DPP6: variants seen among roughly 807,000 people sequenced by gnomAD.
The protein encoded by DPP6 is dipeptidyl peptidase like 6, also known as A-type potassium channel modulatory protein DPP6.
In DPP6, 69 loss-of-function variants were observed where a neutral mutation model predicts 122.6. The ratio of observed to expected loss-of-function variants is 0.56; its 90% CI spans 0.46 to 0.69. The LOEUF is 0.69. Among genes scored for constraint, DPP6 ranks in the 30% least tolerant of loss-of-function variants. The pLI is 0.00. For missense variants in DPP6, 928 were observed against 1,116.9 expected (o/e 0.83, Z 2.41); for synonymous variants, 418 against 433.1 (o/e 0.97, Z 0.43).
At position 154,061,609 on chromosome 7, in the gene DPP6, C is replaced by T. The variant is rs1255420919; in HGVS notation, c.243+8546C>T. 5.6e-5 allele frequency among the ~76,000 whole-genome samples: 8 copies of T among 143,756 alleles called. 1 individual carries two copies. Among genetic ancestry groups the T allele is most frequent in the African/African-American group, 1.0e-4 (4 of 38,120 alleles). 94.3% of individuals were successfully genotyped at this position (143,756 alleles called of 152,430 possible). On this transcript the variant is annotated intron_variant, in intron 1 of 25. Transcript: ENST00000377770. ...CTCTTCCCCCCTGGCTCTTGGGACT[C>T]CCATCACAGGGGGGGGAGGCACCCG... is the stretch of plus-strand genomic sequence containing the variant.
At position 153,994,917 on chromosome 7, in the gene DPP6, C is replaced by T. The variant is rs191948899; in HGVS notation, c.51+107183C>T. ...TGCCCTAAGCAGACATTTGGACTCC[C>T]TTAGGTGAAATATGCTCCAGCATTA... On this transcript the variant is annotated intron_variant, in intron 1 of 25. Coordinates refer to the DPP6 transcript ENST00000404039. 2.4e-3 allele frequency among the ~76,000 whole-genome samples: 364 copies of T among 152,252 alleles called. 3 individuals are homozygous for T. The highest frequency in any genetic ancestry group is 8.4e-3 in the African/African-American group (350 of 41,550).
intron 8 of DPP6, among the ~76,000 whole-genome samples, chr7:154,751,335 C>T (rs1264201263): frequency 2.6e-5 from 4 of 151,984 alleles, no homozygotes; most frequent in African/African-American, 9.7e-5. Flanking sequence ...CACGATGGCT[C>T]ATGCCTGTAA....
intron 17 of DPP6, among the ~76,000 whole-genome samples, chr7:154,867,554 A>C (rs1048739672): frequency 6.6e-6 from 1 of 152,218 alleles, no homozygotes; most frequent in African/African-American, 2.4e-5. Context: ...ATTTCTGGGA[A>C]CATTTAATAA....
chr7:154,372,038 A>G (rs1185906949), intron 1 of DPP6, among the ~76,000 whole-genome samples: 1 of 152,066 alleles, frequency 6.6e-6, no homozygotes, highest in Non-Finnish European at 1.5e-5. Context: ...CAGACCCCAG[A>G]GAGAACAGGT....
At position 154,063,157 on chromosome 7, in the gene DPP6, T is replaced by G. The variant is rs533617746; in HGVS notation, c.243+10094T>G. Among the ~76,000 whole-genome samples, 5 of 114,862 alleles carry G rather than the reference T, an allele frequency of 4.4e-5. 1 individual carries two copies. In the East Asian group the frequency reaches 1.1e-3, roughly 25 times the overall value. 75.4% of individuals were successfully genotyped at this position (114,862 alleles called of 152,430 possible). A position where few individuals can be genotyped will look rare whatever the true frequency, so the allele number is the denominator to read the frequency against. ...CCACGAGAGTGGGGACTGAGAGCTA[T>G]CCCCTTTTCCGCCCCTGGCTGTTAG... On this transcript the variant is annotated intron_variant, in intron 1 of 25. Coordinates refer to ENST00000377770, the MANE Select transcript of DPP6 (RefSeq NM_130797.4).
chr7:154,046,902 G>C lies in DPP6; in HGVS notation c.51+159168G>C, dbSNP rs1286887558. On this transcript the variant is annotated intron_variant, in intron 1 of 25. Transcript: ENST00000404039. Reference sequence around the variant, plus strand: ...TTATTTGTAACTGCAGTAATTTTTAGTGAAGTCAAGTTTTCCACTCTCTGT... The same window carrying C: ...TTATTTGTAACTGCAGTAATTTTTACTGAAGTCAAGTTTTCCACTCTCTGT... 2.0e-5 allele frequency among the ~76,000 whole-genome samples: 3 copies of C among 152,074 alleles called. No homozygotes were observed. The South Asian group carries it at 6.2e-4, about 32-fold the overall frequency.
intron 1 of DPP6, among the ~76,000 whole-genome samples, chr7:154,167,466 A>G (rs1180829654): frequency 2.0e-5 from 3 of 152,254 alleles, no homozygotes; most frequent in Non-Finnish European, 1.5e-5. Flanking sequence ...TTATTTGCTG[A>G]GGTAATGCAG....
intron 1 of DPP6, among the ~76,000 whole-genome samples, chr7:153,995,739 G>A (rs1434384712): frequency 6.6e-6 from 1 of 152,096 alleles, no homozygotes; most frequent in African/African-American, 2.4e-5. Context: ...CAGTAATTAA[G>A]TGTAATTGAG....
At chr7:154,313,079 G>T (rs1807048092) in intron 1 of DPP6, among the ~76,000 whole-genome samples, 1 of 152,174 alleles carries the variant, frequency 6.6e-6, no homozygotes, top group Admixed American at 6.5e-5. Flanking sequence ...GCCTCTGAGT[G>T]GGAAAGGGAA....
chr7:154,520,097 G>A (rs1362931430), intron 3 of DPP6, among the ~76,000 whole-genome samples: 1 of 152,166 alleles, frequency 6.6e-6, no homozygotes. Context: ...TCCAAAGCCA[G>A]AAGTTACAGT....
rs116782832 is a variant in DPP6, at chr7:154,806,776, G to A, written c.1548-218G>A. 7.5e-3 allele frequency among the ~76,000 whole-genome samples: 1,140 copies of A among 152,292 alleles called. 11 individuals are homozygous for A. Among genetic ancestry groups the A allele is most frequent in the African/African-American group, 0.026 (1,074 of 41,562 alleles). ...CCTCCCACAAGCAAGGATGCTGAAA[G>A]CTCTTGAGAGTGGGAGGGACCCACC... is the stretch of plus-strand genomic sequence containing the variant. On this transcript the variant is annotated intron_variant, in intron 15 of 25. Transcript: ENST00000377770.
At chr7:154,304,379 A>G (rs1378838937) in intron 1 of DPP6, among the ~76,000 whole-genome samples, 1 of 152,172 alleles carries the variant, frequency 6.6e-6, no homozygotes, top group Non-Finnish European at 1.5e-5. Context: ...CCACTAACTG[A>G]CTGCTCCGGT....
intron 5 of DPP6, among the ~76,000 whole-genome samples, chr7:154,636,871 C>G (rs1434111781): frequency 6.6e-6 from 1 of 152,190 alleles, no homozygotes; most frequent in Non-Finnish European, 1.5e-5. Context: ...CGTCCCTCAC[C>G]TATTATCTTT....
intron 1 of DPP6, among the ~76,000 whole-genome samples, chr7:153,922,442 T>C (rs1389210003): frequency 3.3e-5 from 5 of 152,316 alleles, no homozygotes; most frequent in Non-Finnish European, 1.5e-5. Flanking sequence ...AAGGCTGCAG[T>C]GAGCCGTGGT....
At position 153,943,452 on chromosome 7, in the gene DPP6, T is replaced by C. The variant is rs188021889; in HGVS notation, c.51+55718T>C. Among the ~76,000 whole-genome samples, 29 of 152,314 alleles carry C rather than the reference T, an allele frequency of 1.9e-4. No homozygotes were observed. In the East Asian group the frequency reaches 5.6e-3, roughly 29 times the overall value. ...CCAGTCCAAATTCCATCAAATCATG[T>C]AGAGCCCTCTTTTTTGTCCTTCTCC... On this transcript the variant is annotated intron_variant, in intron 1 of 25. Coordinates refer to the DPP6 transcript ENST00000404039.
At chr7:154,495,767 T>C (rs761574107) in intron 3 of DPP6, among the ~76,000 whole-genome samples, 3 of 152,168 alleles carry the variant, frequency 2.0e-5, no homozygotes, top group Non-Finnish European at 4.4e-5. Context: ...AAGAATGACT[T>C]AGGCAAATCT....
At chr7:154,870,962 CAAAAAAAAAAA>C (rs146259949) in intron 18 of DPP6, among the ~76,000 whole-genome samples, 1 of 99,066 alleles carries the variant, frequency 1.0e-5, no homozygotes, top group Non-Finnish European at 2.0e-5. Context: ...GACTCCATCT[CAAAAAAAAAAA>C]AAAAAAAAAA....
At chr7:154,313,460 G>A (rs545316604) in intron 1 of DPP6, among the ~76,000 whole-genome samples, 81 of 151,990 alleles carry the variant, frequency 5.3e-4, no homozygotes, top group African/African-American at 1.9e-3. Flanking sequence ...AACGTGGCAC[G>A]AGAGGCTCTT....
intron 7 of DPP6, among the ~76,000 whole-genome samples, chr7:154,703,416 C>T (rs1048917711): frequency 3.9e-5 from 6 of 151,966 alleles, no homozygotes; most frequent in Admixed American, 2.0e-4. Context: ...GTCAGGAGTT[C>T]GAGACCAGCC....
Sources: gnomAD v4.1 joint callset for allele counts (sites outside exome capture counted in the v4.1 genomes callset) on GRCh38, gnomAD v4.1.1 for gene constraint, MANE v1.5 for transcripts, NCBI Gene and HGNC (gene_info 2026-07-23, HGNC 2026-07-21) for gene names.